INTS8: variants seen among roughly 807,000 people sequenced by gnomAD.
INTS8 encodes the protein integrator complex subunit 8, also known as protein kaonashi-1.
A neutral mutation model predicts 138.9 loss-of-function variants in INTS8; 47 were observed. The observed-to-expected ratio is 0.34, with a 90% confidence interval of 0.27 to 0.43. The LOEUF (loss-of-function observed/expected upper bound fraction) is 0.43. Among genes scored for constraint, INTS8 ranks in the 20% least tolerant of loss-of-function variants. INTS8 has a pLI of 1.00. For synonymous variants in INTS8, 392 were observed against 400.9 expected, an observed-to-expected ratio of 0.98 and a Z score of 0.27; for missense variants, 996 against 1,173.0, an observed-to-expected ratio of 0.85 and a Z score of 2.20.
At chr8:94,869,157 T>C (rs1259387691) in intron 20 of INTS8, among the ~76,000 whole-genome samples, 2 of 151,856 alleles carry the variant, frequency 1.3e-5, no homozygotes, top group Admixed American at 6.6e-5. Flanking sequence ...AAATTTTGTA[T>C]TTTTAGTAGA....
chr8:94,827,699 T>C lies in INTS8; in HGVS notation c.447-23T>C, dbSNP rs1359685423. 4 of 1,594,576 alleles carry C rather than the reference T, an allele frequency of 2.5e-6. No individual in the cohort carries two copies. In the African/African-American group the frequency reaches 5.4e-5, roughly 21 times the overall value. ...ATGACATTTATAATGTATGAAATTT[T>C]CTTTTTCCTGTCTTTTCTTCAGGGC... On this transcript the variant is annotated intron_variant, in intron 3 of 26. Transcript: ENST00000523731.
intron 22 of INTS8, among the ~76,000 whole-genome samples, chr8:94,874,045 C>T (rs1195520165): frequency 6.6e-6 from 1 of 152,200 alleles, no homozygotes; most frequent in East Asian, 1.9e-4. Flanking sequence ...CATTGCCTTC[C>T]TTAGTTACCC....
In INTS8 at chr8:94,853,892, G is replaced by C. The variant is rs1202711827; in HGVS notation, c.1729G>C (p.Gly577Arg). 1 of 1,597,814 alleles carries C rather than the reference G, an allele frequency of 6.3e-7. No homozygotes were observed. The highest frequency in any genetic ancestry group is 8.6e-7 in the Non-Finnish European group (1 of 1,165,332). Reference sequence around the variant, plus strand: ...TTTGGTTTATATTCTTATGGCCAAAGGTTTGCACTGCAGTACTGTTAAGGT... The same window carrying C: ...TTTGGTTTATATTCTTATGGCCAAACGTTTGCACTGCAGTACTGTTAAGGT... ...RDLVYILMAK[G>R]LHCSTVKDFS... is the part of the protein sequence containing the mutation. The change falls in exon 14 of 27, where the codon GGT becomes CGT. Residue 577 changes from glycine (G) to arginine (R), a missense_variant. By Grantham distance (125) the Gly-to-Arg change is moderately radical. Transcript: ENST00000523731.
chr8:94,825,099 A>G, intron 2 of INTS8, 32 bp downstream of exon 2: 2 of 1,412,338 alleles, frequency 1.4e-6, no homozygotes, highest in Non-Finnish European at 2.0e-6. Flanking sequence ...TTTCATTTGA[A>G]GTGCTATTTA....
chr8:94,835,662 C>G lies in INTS8; in HGVS notation c.754-862C>G, dbSNP rs1278117058. ...TCGCCCAGGCTGGAATGCAGTGGTG[C>G]AATCTTGGCTCACTGCAACCTCTGC... On this transcript the variant is annotated intron_variant, in intron 6 of 26. Transcript: ENST00000523731. Among the ~76,000 whole-genome samples, 6 of 151,674 alleles carry G rather than the reference C, an allele frequency of 4.0e-5. No individual in the cohort carries two copies. The East Asian group carries it at 9.7e-4, about 25-fold the overall frequency.
chr8:94,870,065 T>A (rs947251656), intron 20 of INTS8, among the ~76,000 whole-genome samples: 12 of 151,878 alleles, frequency 7.9e-5, no homozygotes, highest in South Asian at 2.1e-4. Flanking sequence ...TTATTTTTTT[T>A]TTTTGAGATG....
intron 10 of INTS8, among the ~76,000 whole-genome samples, 177 bp downstream of exon 10, chr8:94,842,665 C>G (rs1429624118): frequency 6.6e-6 from 1 of 152,200 alleles, no homozygotes; most frequent in African/African-American, 2.4e-5. Flanking sequence ...AGCTCTTTTT[C>G]TAGTTCGCTC....
intron 10 of INTS8, among the ~76,000 whole-genome samples, chr8:94,843,339 G>T (rs542008103): frequency 6.6e-6 from 1 of 152,130 alleles, no homozygotes; most frequent in Non-Finnish European, 1.5e-5. Flanking sequence ...AGGCCAAGGC[G>T]AGTGGATCAC....
chr8:94,840,225 T>G (rs573964742), intron 8 of INTS8, among the ~76,000 whole-genome samples: 72 of 152,246 alleles, frequency 4.7e-4, no homozygotes, highest in Non-Finnish European at 8.8e-4. Flanking sequence ...TTCTCACACT[T>G]GAGAAGCTGC....
Position 94,832,951 on chromosome 8 carries a change from G to C in INTS8, c.753+777G>C, listed in dbSNP as rs148567886. Among the ~76,000 whole-genome samples the C allele has an allele frequency of 3.4e-4, 51 of 152,030 alleles. No homozygotes were observed. In the East Asian group the frequency reaches 9.7e-3, roughly 29 times the overall value. Reference sequence around the variant, plus strand: ...TTACAGGCGTGAGCCACCGCGCCCGGCCGTTGTCAGATATTACTTTGTGTG... The same window carrying C: ...TTACAGGCGTGAGCCACCGCGCCCGCCCGTTGTCAGATATTACTTTGTGTG... On this transcript the variant is annotated intron_variant, in intron 6 of 26. Transcript: ENST00000523731.
intron 16 of INTS8, 66 bp from the exon 17 acceptor site, chr8:94,865,440 G>C (rs1816144208): frequency 7.6e-7 from 1 of 1,312,644 alleles, no homozygotes; most frequent in South Asian, 1.3e-5. Context: ...AGTGTGCCTT[G>C]ATAATAGAAC....
chr8:94,833,451 T>C (rs933063335), intron 6 of INTS8, among the ~76,000 whole-genome samples: 8 of 151,862 alleles, frequency 5.3e-5, no homozygotes, highest in Non-Finnish European at 1.2e-4. Context: ...ACTCCTGGGC[T>C]CAAGGGATCC....
intron 6 of INTS8, 52 bp downstream of exon 6, chr8:94,832,226 T>G: frequency 7.7e-6 from 10 of 1,295,014 alleles, no homozygotes; most frequent in Non-Finnish European, 1.1e-5. Context: ...AAAATCTTAA[T>G]ATGAGATCAT....
At chr8:94,879,062 A>G (rs1300725036) in intron 26 of INTS8, among the ~76,000 whole-genome samples, 5 of 152,110 alleles carry the variant, frequency 3.3e-5, no homozygotes, top group Non-Finnish European at 5.9e-5. Flanking sequence ...GCTCTCAAAT[A>G]TCTGGCTCCT....
intron 13 of INTS8, 105 bp from the exon 14 acceptor site, chr8:94,853,700 G>A (rs1021842685): frequency 1.9e-5 from 12 of 632,474 alleles, no homozygotes; most frequent in South Asian, 1.7e-4. Flanking sequence ...GAGACGACCC[G>A]TGAGTTATTT....
intron 16 of INTS8, among the ~76,000 whole-genome samples, chr8:94,862,490 G>A (rs1816027872): frequency 6.6e-6 from 1 of 152,196 alleles, no homozygotes. Flanking sequence ...AGGAGAGATA[G>A]GCATGTGTTT....
At chr8:94,872,600 A>G (rs1816436384) in intron 21 of INTS8, among the ~76,000 whole-genome samples, 1 of 152,256 alleles carries the variant, frequency 6.6e-6, no homozygotes, top group East Asian at 1.9e-4. Context: ...CTGTTTAGAG[A>G]TTCTAAAATC....
chr8:94,849,594 A>G, intron 11 of INTS8, 62 bp downstream of exon 11: 1 of 997,910 alleles, frequency 1.0e-6, no homozygotes, highest in Non-Finnish European at 1.5e-6. Flanking sequence ...CCTGTGAACA[A>G]AATATCTGTA....
In INTS8 at chr8:94,830,392, G is replaced by A. The variant is rs548815463; in HGVS notation, c.570+1366G>A. 5.5e-4 allele frequency among the ~76,000 whole-genome samples: 84 copies of A among 152,336 alleles called. 2 individuals carry two copies. Among genetic ancestry groups the A allele is most frequent in the Middle Eastern group, 6.8e-3 (2 of 294 alleles). Reference sequence around the variant, plus strand: ...GCAAATATGCTGTAATATTTTGAATGTGGAAGCCAAAGCCTACATCATTTC... The same window carrying A: ...GCAAATATGCTGTAATATTTTGAATATGGAAGCCAAAGCCTACATCATTTC... On this transcript the variant is annotated intron_variant, in intron 5 of 26. Transcript: ENST00000523731.
Sources: allele counts gnomAD v4.1 joint callset (sites outside exome capture counted in the v4.1 genomes callset), GRCh38; gene constraint gnomAD v4.1.1; transcripts MANE v1.5; gene names NCBI Gene and HGNC (gene_info 2026-07-23, HGNC 2026-07-21).